Variants in GRAP2 observed in about 807,000 individuals in gnomAD.
GRAP2 encodes the protein GRB2-related adapter protein 2.
Under a neutral mutation model 43.5 loss-of-function variants are expected in GRAP2, and 31 were observed. The ratio of observed to expected loss-of-function variants is 0.71; its 90% CI spans 0.54 to 0.96. The LOEUF is 0.96. GRAP2 is among the 40% of genes least tolerant of loss of function. The probability of loss-of-function intolerance (pLI) is 0.00; values close to 1 mark genes in which losing one functional copy is unlikely to be tolerated. For synonymous variants in GRAP2, 156 were observed against 164.8 expected, an observed-to-expected ratio of 0.95 and a Z score of 0.41; for missense variants, 371 against 424.4, an observed-to-expected ratio of 0.87 and a Z score of 1.11.
chr22:39,972,330 G>A lies in GRAP2; in HGVS notation c.*1246G>A, dbSNP rs373170381. The A allele has an allele frequency of 2.6e-5, 4 of 152,396 alleles. No homozygotes were observed. Among genetic ancestry groups the A allele is most frequent in the African/African-American group, 9.6e-5 (4 of 41,482 alleles). The allele number at this position is 152,396 out of a possible 1,614,324, so 9.4% of individuals were successfully genotyped here. A position where few individuals can be genotyped will look rare whatever the true frequency, so the allele number is the denominator to read the frequency against. ...CGGGTGCAAACCCGTTCTGCACCAA[G>A]TGCACTCGGAGTTTGTGGGTATGGG... On this transcript the variant is annotated 3_prime_UTR_variant, in exon 8 of 8. Transcript: ENST00000344138.
chr22:39,900,100 A>G (rs765664626), upstream of GRAP2, among the ~76,000 whole-genome samples: 2 of 152,230 alleles, frequency 1.3e-5, no homozygotes, highest in Non-Finnish European at 2.9e-5. Context: ...TTCTATTTCA[A>G]TAAAAATGTT....
chr22:39,947,248 C>CCTGCCT, intron 2 of GRAP2, 64 bp downstream of exon 2: 1 of 817,646 alleles, frequency 1.2e-6, no homozygotes, highest in South Asian at 1.3e-5. Context: ...TCTGACAGTC[C>CCTGCCT]CTGCCTTTGT....
Position 39,971,402 on chromosome 22 carries a change from CCTT to C in GRAP2, c.*319_*321del, listed in dbSNP as rs953516307. 2 of 326,548 alleles carry C rather than the reference CCTT, an allele frequency of 6.1e-6. No individual in the cohort carries two copies. The highest frequency in any genetic ancestry group is 5.4e-5 in the Admixed American group (1 of 18,594). The allele number at this position is 326,548 out of a possible 1,614,324, so 20.2% of individuals were successfully genotyped here. A position where few individuals can be genotyped will look rare whatever the true frequency, so the allele number is the denominator to read the frequency against. ...TGGCCTTCAGCTGTCACTGCTTCCT[CCTT>C]GTCTTGGGAATTTTCACGGAGAACA... On this transcript the variant is annotated 3_prime_UTR_variant, in exon 8 of 8. Transcript: ENST00000344138.
intron 4 of GRAP2, chr22:39,964,364 C>T (rs954343213): frequency 9.7e-6 from 7 of 718,918 alleles, no homozygotes; most frequent in South Asian, 2.9e-5. Flanking sequence ...GGGGAAGGGG[C>T]GGCAGGCGCC....
At chr22:39,967,765 G>A (rs1258885784) in intron 5 of GRAP2, among the ~76,000 whole-genome samples, 3 of 152,160 alleles carry the variant, frequency 2.0e-5, no homozygotes, top group South Asian at 4.1e-4. Context: ...GAGAAAAAAC[G>A]AGCGCCCTGG....
chr22:39,962,550 C>T (rs2067130559), intron 4 of GRAP2, among the ~76,000 whole-genome samples: 1 of 151,990 alleles, frequency 6.6e-6, no homozygotes, highest in South Asian at 2.1e-4. Context: ...CCCTCTTTAC[C>T]CCATCATAAA....
intron 1 of GRAP2, among the ~76,000 whole-genome samples, chr22:39,930,564 CTCA>C (rs2066746639): frequency 6.6e-6 from 1 of 152,210 alleles, no homozygotes; most frequent in Admixed American, 6.5e-5. Flanking sequence ...AGTTCAGGCC[CTCA>C]TCATTACTAG....
chr22:39,918,745 T>G (rs1569195168), intron 1 of GRAP2, among the ~76,000 whole-genome samples: 4 of 152,352 alleles, frequency 2.6e-5, no homozygotes, highest in Admixed American at 1.3e-4. Flanking sequence ...CATTTGATAG[T>G]GTGGCAAATT....
intron 1 of GRAP2, chr22:39,926,656 T>C: frequency 1.0e-6 from 1 of 985,150 alleles, no homozygotes; most frequent in Non-Finnish European, 1.2e-6. Context: ...AATCGCTGGC[T>C]CTCAGGAGCT....
chr22:39,945,696 A>G (rs909268377), intron 1 of GRAP2, among the ~76,000 whole-genome samples: 1 of 152,230 alleles, frequency 6.6e-6, no homozygotes, highest in Admixed American at 6.5e-5. Flanking sequence ...ATTAGTTCTC[A>G]AATTTCAATG....
intron 2 of GRAP2, among the ~76,000 whole-genome samples, chr22:39,950,190 GA>G (rs2066967190): frequency 6.6e-6 from 1 of 152,016 alleles, no homozygotes; most frequent in African/African-American, 2.4e-5. Context: ...CTCTACCATG[GA>G]AACCTCGCTG....
intron 1 of GRAP2, among the ~76,000 whole-genome samples, chr22:39,939,561 C>CAA (rs386395434): frequency 0.52 from 32,961 of 63,868 alleles, 8,059 homozygotes; most frequent in East Asian, 0.64. Context: ...GACTCCGTCT[C>CAA]AAAAAAAAAA....
intron 1 of GRAP2, among the ~76,000 whole-genome samples, chr22:39,903,114 GAA>G (rs1455245449): frequency 6.6e-6 from 1 of 152,190 alleles, no homozygotes; most frequent in Non-Finnish European, 1.5e-5. Flanking sequence ...CCTGGGTCAA[GAA>G]AAGTCTGCAA....
At chr22:39,921,156 C>T (rs964114216) in intron 1 of GRAP2, among the ~76,000 whole-genome samples, 1 of 152,210 alleles carries the variant, frequency 6.6e-6, no homozygotes, top group African/African-American at 2.4e-5. Context: ...ACATCTATGT[C>T]AGCCTCTAGC....
chr22:39,957,263 G>A (rs1041766391), intron 3 of GRAP2, among the ~76,000 whole-genome samples: 12 of 152,124 alleles, frequency 7.9e-5, no homozygotes, highest in South Asian at 2.1e-4. Flanking sequence ...TGACCTTGAC[G>A]GAACCCTTGA....
In GRAP2 at chr22:39,959,039, G is replaced by A. The variant is rs79614375; in HGVS notation, c.171-1016G>A. Among the ~76,000 whole-genome samples, 797 of 152,286 alleles carry A rather than the reference G, an allele frequency of 5.2e-3. 9 individuals are homozygous for A. The highest frequency in any genetic ancestry group is 0.018 in the African/African-American group (762 of 41,544). Reference sequence around the variant, plus strand: ...AAGGAATCCAAAGCCAAGGCCTGACGGGCTTTTATCTTAAAGGAACATGCG... The same window carrying A: ...AAGGAATCCAAAGCCAAGGCCTGACAGGCTTTTATCTTAAAGGAACATGCG... On this transcript the variant is annotated intron_variant, in intron 3 of 7. Coordinates refer to ENST00000344138, the MANE Select transcript of GRAP2 (RefSeq NM_004810.4).
rs558569301 is a variant in GRAP2 at position 39,966,264 on chromosome 22, A to G, written c.459+106A>G. The G allele has an allele frequency of 3.7e-6, 3 of 821,078 alleles. No individual in the cohort carries two copies. The South Asian group carries it at 4.9e-5, about 13-fold the overall frequency. The allele number at this position is 821,078 out of a possible 1,614,324, so 50.9% of individuals were successfully genotyped here. On this transcript the variant is annotated intron_variant, in intron 5 of 7. Coordinates refer to ENST00000344138, the MANE Select transcript of GRAP2 (RefSeq NM_004810.4). Reference sequence around the variant, plus strand: ...TAGGATGGGTAGATCCTCTGAGTATACTGAAAGACAGAGCTCAGAGCTCTG... The same window carrying G: ...TAGGATGGGTAGATCCTCTGAGTATGCTGAAAGACAGAGCTCAGAGCTCTG...
intron 1 of GRAP2, among the ~76,000 whole-genome samples, chr22:39,901,877 A>C (rs907312994): frequency 6.6e-6 from 1 of 152,244 alleles, no homozygotes; most frequent in Non-Finnish European, 1.5e-5. Context: ...CTCTCTTCGT[A>C]CTAGCCGTTA....
intron 1 of GRAP2, 108 bp downstream of exon 1, chr22:39,901,438 T>C (rs1247354873): frequency 9.6e-6 from 4 of 416,210 alleles, no homozygotes; most frequent in African/African-American, 2.1e-5. Flanking sequence ...ACTAGTTCTC[T>C]AAATATTGCT....
Sources: allele counts gnomAD v4.1 joint callset (sites outside exome capture counted in the v4.1 genomes callset), GRCh38; gene constraint gnomAD v4.1.1; transcripts MANE v1.5; gene names NCBI Gene and HGNC (gene_info 2026-07-23, HGNC 2026-07-21).